GRIP1: variants seen among roughly 807,000 people sequenced by gnomAD.
The protein encoded by GRIP1 is glutamate receptor interacting protein 1.
Under a neutral mutation model 129.9 loss-of-function variants are expected in GRIP1, and 45 were observed. The ratio of observed to expected loss-of-function variants is 0.35; its 90% CI spans 0.27 to 0.44. GRIP1 has a LOEUF of 0.44. Ranked by LOEUF, GRIP1 falls within the 20% of genes least tolerant of loss-of-function variation. The pLI, the probability that GRIP1 is intolerant of heterozygous loss-of-function variation, is 1.00. For synonymous variants in GRIP1, 530 were observed against 520.8 expected, an observed-to-expected ratio of 1.02 and a Z score of -0.24; for missense variants, 1,196 against 1,396.8, an observed-to-expected ratio of 0.86 and a Z score of 2.29.
chr12:66,691,971 A>T (rs538356970), intron 1 of GRIP1, among the ~76,000 whole-genome samples: 83 of 152,280 alleles, frequency 5.5e-4, no homozygotes, highest in African/African-American at 1.9e-3. Flanking sequence ...ATCTTTTTTT[A>T]AAAAATAAAA....
At chr12:66,753,482 C>T (rs1592810214) in intron 1 of GRIP1, among the ~76,000 whole-genome samples, 1 of 152,166 alleles carries the variant, frequency 6.6e-6, no homozygotes, top group Admixed American at 6.5e-5. Flanking sequence ...GAGCTGTTGA[C>T]CTGTGACCTA....
chr12:66,466,165 C>G (rs1338782639), intron 7 of GRIP1, among the ~76,000 whole-genome samples: 1 of 152,218 alleles, frequency 6.6e-6, no homozygotes, highest in Non-Finnish European at 1.5e-5. Context: ...CCTCGGGAAG[C>G]CTAAATTGTA....
chr12:66,465,157 G>C (rs1366526695), intron 8 of GRIP1, 118 bp downstream of exon 8: 4 of 752,766 alleles, frequency 5.3e-6, no homozygotes, highest in Non-Finnish European at 4.6e-6. Flanking sequence ...TGTTGGCCAA[G>C]CTGGTCTCGA....
chr12:66,640,975 T>C (rs2031870052), intron 1 of GRIP1, among the ~76,000 whole-genome samples: 1 of 151,650 alleles, frequency 6.6e-6, no homozygotes, highest in Non-Finnish European at 1.5e-5. Flanking sequence ...AACGCAAGAG[T>C]GCCAATAACT....
intron 1 of GRIP1, among the ~76,000 whole-genome samples, chr12:66,715,369 A>C (rs1048925725): frequency 2.6e-5 from 4 of 151,650 alleles, no homozygotes; most frequent in African/African-American, 9.7e-5. Context: ...GAAGTTCCTC[A>C]CTTATTGGAT....
intron 1 of GRIP1, among the ~76,000 whole-genome samples, chr12:66,979,398 CT>C: frequency 6.6e-6 from 1 of 151,572 alleles, no homozygotes; most frequent in Non-Finnish European, 1.5e-5. Flanking sequence ...GTTGGCTTCC[CT>C]AGTTTATATG....
intron 1 of GRIP1, among the ~76,000 whole-genome samples, chr12:67,032,886 TTAAC>T (rs1386954161): frequency 4.6e-5 from 7 of 152,166 alleles, no homozygotes; most frequent in Admixed American, 4.6e-4. Flanking sequence ...AATATTTTAT[TTAAC>T]ATTTCCAAAA....
intron 5 of GRIP1, among the ~76,000 whole-genome samples, chr12:66,528,573 C>G (rs2061342443): frequency 6.6e-6 from 1 of 152,102 alleles, no homozygotes; most frequent in South Asian, 2.1e-4. Flanking sequence ...TAGAAAGCTA[C>G]AATAACCAAA....
In GRIP1 at chr12:66,633,508, A is replaced by G. The variant is rs570186317; in HGVS notation, c.56-36581T>C. On this transcript the variant is annotated intron_variant, in intron 1 of 24. Transcript: ENST00000359742. ...AAATAAAACTTTCATCACAAATTCA[A>G]AAAATCCAGAAAGAGAATGTGGAGA... 2.6e-5 allele frequency among the ~76,000 whole-genome samples: 4 copies of G among 152,158 alleles called. No homozygotes were observed. The East Asian group carries it at 7.7e-4, about 29-fold the overall frequency.
At chr12:66,451,170 A>G (rs954208701) in intron 11 of GRIP1, among the ~76,000 whole-genome samples, 7 of 151,774 alleles carry the variant, frequency 4.6e-5, no homozygotes, top group Non-Finnish European at 7.4e-5. Context: ...TCTGTTCACA[A>G]CTCTTCAGAT....
chr12:66,801,659 G>T (rs1279860241), intron 1 of GRIP1, among the ~76,000 whole-genome samples: 1 of 151,986 alleles, frequency 6.6e-6, no homozygotes, highest in Non-Finnish European at 1.5e-5. Flanking sequence ...TTTCTGGGAG[G>T]TTCTTTTTAG....
chr12:67,019,157 C>G (rs10506539), intron 1 of GRIP1, among the ~76,000 whole-genome samples: 3,269 of 152,210 alleles, frequency 0.021, 107 homozygotes, highest in East Asian at 0.092. Context: ...AACGATCATT[C>G]AGGCGCAAAA....
rs375452396 is a variant in GRIP1 at position 66,622,553 on chromosome 12, C to A, written c.56-25626G>T. Among the ~76,000 whole-genome samples, 48 of 152,074 alleles carry A rather than the reference C, an allele frequency of 3.2e-4. 1 individual carries two copies. The highest frequency in any genetic ancestry group is 1.0e-3 in the African/African-American group (43 of 41,502). ...ATACCCCATGAATACATACTATGTA[C>A]CCATTAAAACCAAAAAATATATATA... On this transcript the variant is annotated intron_variant, in intron 1 of 24. Coordinates refer to ENST00000359742, the MANE Select transcript of GRIP1 (RefSeq NM_001366722.1).
chr12:66,804,956 A>T (rs1159046063), upstream of GRIP1, among the ~76,000 whole-genome samples: 5 of 152,180 alleles, frequency 3.3e-5, no homozygotes, highest in Non-Finnish European at 1.5e-5. Flanking sequence ...ACGTTTACCC[A>T]CTGGGCATTA....
At chr12:66,400,114 A>G (rs375095227) in intron 16 of GRIP1, among the ~76,000 whole-genome samples, 5 of 151,826 alleles carry the variant, frequency 3.3e-5, no homozygotes, top group African/African-American at 1.2e-4. Context: ...CAGTTTTGGC[A>G]TCATCTGCAA....
chr12:66,385,307 G>A (rs576044414), intron 19 of GRIP1, among the ~76,000 whole-genome samples: 9 of 152,180 alleles, frequency 5.9e-5, no homozygotes, highest in East Asian at 1.9e-4. Flanking sequence ...AGGCTGAGGC[G>A]GGCAGATCAC....
chr12:66,516,635 C>T (rs994840712), intron 6 of GRIP1, among the ~76,000 whole-genome samples: 1 of 152,080 alleles, frequency 6.6e-6, no homozygotes, highest in African/African-American at 2.4e-5. Context: ...TATGTTTTGA[C>T]ATTTCTGTCA....
intron 1 of GRIP1, among the ~76,000 whole-genome samples, chr12:66,971,340 G>A (rs1232002923): frequency 6.6e-6 from 1 of 152,174 alleles, no homozygotes; most frequent in South Asian, 2.1e-4. Context: ...ACATGCTGGA[G>A]TGCCTTACTT....
At chr12:66,925,027 A>G (rs1226636478) in intron 1 of GRIP1, among the ~76,000 whole-genome samples, 1 of 152,248 alleles carries the variant, frequency 6.6e-6, no homozygotes, top group Non-Finnish European at 1.5e-5. Flanking sequence ...AAATATAAAT[A>G]CATTATATTA....
Sources: allele counts gnomAD v4.1 joint callset (sites outside exome capture counted in the v4.1 genomes callset), GRCh38; gene constraint gnomAD v4.1.1; transcripts MANE v1.5; gene names NCBI Gene and HGNC (gene_info 2026-07-23, HGNC 2026-07-21).